Variants in GRM7 observed in about 807,000 individuals in gnomAD.
GRM7 encodes glutamate metabotropic receptor 7.
A neutral mutation model predicts 84.5 loss-of-function variants in GRM7; 35 were observed. The observed-to-expected ratio is 0.41, with a 90% CI of 0.32 to 0.55. GRM7 has a LOEUF of 0.55. Among genes scored for constraint, GRM7 ranks in the 20% least tolerant of loss-of-function variants. GRM7 has a pLI of 0.19. For synonymous variants in GRM7, 487 were observed against 455.1 expected, an observed-to-expected ratio of 1.07 and a Z score of -0.89; for missense variants, 1,003 against 1,194.6, an observed-to-expected ratio of 0.84 and a Z score of 2.36.
At chr3:7,583,691 G>A (rs936153195) in intron 8 of GRM7, among the ~76,000 whole-genome samples, 25 of 152,226 alleles carry the variant, frequency 1.6e-4, no homozygotes, top group South Asian at 6.2e-4. Flanking sequence ...TGTTGGTTTC[G>A]TCTCCAATTA....
intron 1 of GRM7, among the ~76,000 whole-genome samples, chr3:6,966,222 T>G (rs9881506): frequency 3.3e-5 from 5 of 152,216 alleles, no homozygotes; most frequent in Admixed American, 2.6e-4. Context: ...GGCATCGTTT[T>G]AATCTTCTTC....
rs1699183768 is a variant in GRM7 at position 7,279,513 on chromosome 3, C to T, written c.737-19171C>T. Among the ~76,000 whole-genome samples, 3 of 152,114 alleles carry T rather than the reference C, an allele frequency of 2.0e-5. No homozygotes were observed. In the South Asian group the frequency reaches 6.2e-4, roughly 32 times the overall value. ...CAGCTCTGAGAGTTGACACCACATC[C>T]ACCAGTAGATGTGGGCAAACTGAAG... On this transcript the variant is annotated intron_variant, in intron 2 of 9. Coordinates refer to ENST00000357716, the MANE Select transcript of GRM7 (RefSeq NM_000844.4).
At chr3:7,639,007 T>C (rs1698237951) in intron 8 of GRM7, among the ~76,000 whole-genome samples, 1 of 152,214 alleles carries the variant, frequency 6.6e-6, no homozygotes, top group African/African-American at 2.4e-5. Context: ...CACCCTCTCA[T>C]AGACCTGTTA....
intron 9 of GRM7, among the ~76,000 whole-genome samples, chr3:7,700,648 C>A (rs2125158140): frequency 6.6e-6 from 1 of 152,196 alleles, no homozygotes; most frequent in Middle Eastern, 3.4e-3. Flanking sequence ...TCTGATTAAA[C>A]ACAATAAATC....
intron 8 of GRM7, among the ~76,000 whole-genome samples, chr3:7,670,944 G>A (rs1318540270): frequency 6.6e-6 from 1 of 152,126 alleles, no homozygotes; most frequent in East Asian, 1.9e-4. Flanking sequence ...ATAACTATAG[G>A]GAAAATGCTG....
At chr3:6,936,825 A>G (rs1697710751) in intron 1 of GRM7, among the ~76,000 whole-genome samples, 1 of 152,162 alleles carries the variant, frequency 6.6e-6, no homozygotes, top group Non-Finnish European at 1.5e-5. Flanking sequence ...TAGACATATA[A>G]AATGTTTTAT....
intron 2 of GRM7, among the ~76,000 whole-genome samples, chr3:7,274,982 C>G (rs1487151575): frequency 6.6e-6 from 1 of 151,990 alleles, no homozygotes; most frequent in Non-Finnish European, 1.5e-5. Context: ...TTTTGCTCTT[C>G]TCAGTCTATT....
At chr3:7,696,016 A>T (rs757216005) in intron 9 of GRM7, among the ~76,000 whole-genome samples, 35 of 152,212 alleles carry the variant, frequency 2.3e-4, no homozygotes, top group Non-Finnish European at 3.5e-4. Context: ...CCCATATTGG[A>T]CCACAAAGTT....
intron 8 of GRM7, among the ~76,000 whole-genome samples, chr3:7,653,383 G>C (rs1288654587): frequency 6.6e-6 from 1 of 151,846 alleles, no homozygotes; most frequent in Admixed American, 6.6e-5. Context: ...GTTCAGATGT[G>C]GTCCAGGGTC....
chr3:6,956,677 ATC>A (rs1693068732), intron 1 of GRM7: 5 of 454,532 alleles, frequency 1.1e-5, no homozygotes, highest in Non-Finnish European at 1.8e-5. Flanking sequence ...GCTCACATGA[ATC>A]TCTCGCAACT....
At chr3:6,990,335 G>T (rs904031530) in intron 1 of GRM7, among the ~76,000 whole-genome samples, 1 of 152,230 alleles carries the variant, frequency 6.6e-6, no homozygotes, top group Non-Finnish European at 1.5e-5. Context: ...TCTAATGGCA[G>T]TATTTCATGG....
chr3:7,167,352 C>T (rs1694833472), intron 2 of GRM7, among the ~76,000 whole-genome samples: 1 of 152,184 alleles, frequency 6.6e-6, no homozygotes, highest in South Asian at 2.1e-4. Flanking sequence ...TTTCCTAGCT[C>T]TGCTTTAGAT....
At chr3:7,687,957 C>A (rs550854250) in intron 9 of GRM7, among the ~76,000 whole-genome samples, 1 of 152,188 alleles carries the variant, frequency 6.6e-6, no homozygotes, top group Non-Finnish European at 1.5e-5. Flanking sequence ...ATAGGCCATT[C>A]TTTCTCCCAG....
intron 7 of GRM7, among the ~76,000 whole-genome samples, chr3:7,492,057 A>T (rs1174018393): frequency 6.6e-6 from 1 of 152,202 alleles, no homozygotes; most frequent in Non-Finnish European, 1.5e-5. Context: ...CCTAGAAGGA[A>T]TCCCACATAG....
chr3:7,170,140 C>T (rs538198107), intron 2 of GRM7, among the ~76,000 whole-genome samples: 27 of 152,240 alleles, frequency 1.8e-4, no homozygotes, highest in East Asian at 5.8e-4. Flanking sequence ...TGTGAAGTCA[C>T]GACAGAAGCA....
intron 9 of GRM7, among the ~76,000 whole-genome samples, chr3:7,716,867 G>A (rs1372246637): frequency 6.6e-6 from 1 of 152,180 alleles, no homozygotes; most frequent in Non-Finnish European, 1.5e-5. Context: ...TTTTCTGGTT[G>A]ACCTGGGGTT....
chr3:6,953,607 A>C (rs1471240694), intron 1 of GRM7, among the ~76,000 whole-genome samples: 2 of 152,212 alleles, frequency 1.3e-5, no homozygotes, highest in East Asian at 3.9e-4. Flanking sequence ...CTAAAAAAGC[A>C]CACTAGGTTT....
At chr3:7,064,548 GATATATATAT>G (rs60042248) in intron 1 of GRM7, among the ~76,000 whole-genome samples, 1 of 89,538 alleles carries the variant, frequency 1.1e-5, no homozygotes, top group Non-Finnish European at 2.1e-5. Flanking sequence ...ATCATGTATG[GATATATATAT>G]ATATATATAT....
At chr3:7,582,406 C>CT (rs1314352333) in intron 8 of GRM7, among the ~76,000 whole-genome samples, 4 of 152,078 alleles carry the variant, frequency 2.6e-5, no homozygotes, top group African/African-American at 9.7e-5. Context: ...GGGAGACATG[C>CT]TTTGTGCAAT....
Sources: gnomAD v4.1 joint callset for allele counts (sites outside exome capture counted in the v4.1 genomes callset) on GRCh38, gnomAD v4.1.1 for gene constraint, MANE v1.5 for transcripts, NCBI Gene and HGNC (gene_info 2026-07-23, HGNC 2026-07-21) for gene names.